LTBP1: variants seen among roughly 807,000 people sequenced by gnomAD.
LTBP1 encodes the protein latent transforming growth factor beta binding protein 1.
LTBP1 carries 129 observed loss-of-function variants against 207.6 expected under a neutral mutation model. The ratio of observed to expected loss-of-function variants is 0.62; its 90% CI spans 0.54 to 0.72. LTBP1 has a LOEUF of 0.72. LTBP1 is among the 30% of genes least tolerant of loss of function. The pLI, the probability that LTBP1 is intolerant of heterozygous loss-of-function variation, is 0.00. For synonymous variants in LTBP1, 963 were observed against 833.7 expected, an observed-to-expected ratio of 1.16 and a Z score of -2.67; for missense variants, 2,281 against 2,217.2, an observed-to-expected ratio of 1.03 and a Z score of -0.58.
chr2:33,300,392 G>A (rs1268660248), intron 20 of LTBP1, 59 bp from the exon 21 acceptor site: 20 of 1,570,328 alleles, frequency 1.3e-5, no homozygotes, highest in Non-Finnish European at 1.7e-5. Flanking sequence ...ATTGCAGGGA[G>A]CACTGCATTC....
chr2:33,163,395 A>G (rs1221610825), intron 5 of LTBP1, among the ~76,000 whole-genome samples: 2 of 152,238 alleles, frequency 1.3e-5, no homozygotes, highest in Non-Finnish European at 1.5e-5. Context: ...AAACGTGGTA[A>G]GACAATTGGA....
chr2:33,251,730 C>G (rs2092692490), intron 10 of LTBP1, among the ~76,000 whole-genome samples: 1 of 150,214 alleles, frequency 6.7e-6, no homozygotes, highest in Non-Finnish European at 1.5e-5. Flanking sequence ...GTCAGAAAAC[C>G]TCATTTGTAT....
chr2:33,330,018 C>T (rs568003181), intron 24 of LTBP1, among the ~76,000 whole-genome samples: 12 of 152,060 alleles, frequency 7.9e-5, no homozygotes, highest in Non-Finnish European at 1.8e-4. Context: ...GAATACAACA[C>T]ACCCCTTTAT....
At chr2:33,298,382 G>C (rs1266942820) in intron 20 of LTBP1, among the ~76,000 whole-genome samples, 1 of 152,162 alleles carries the variant, frequency 6.6e-6, no homozygotes, top group Non-Finnish European at 1.5e-5. Context: ...GATAGTCCTT[G>C]GAATGGAGGG....
intron 5 of LTBP1, among the ~76,000 whole-genome samples, chr2:33,180,629 G>T (rs5006121): frequency 0.52 from 78,223 of 151,134 alleles, 20,414 homozygotes; most frequent in African/African-American, 0.53. Flanking sequence ...TTTTTGGGAT[G>T]TTTTAAAGTA....
intron 5 of LTBP1, among the ~76,000 whole-genome samples, chr2:33,162,751 C>T (rs1052355083): frequency 1.3e-5 from 2 of 152,048 alleles, no homozygotes; most frequent in Non-Finnish European, 2.9e-5. Context: ...ATTATTGTTT[C>T]TTGTTCTTTT....
At chr2:33,072,578 T>C (rs1399416679) in intron 3 of LTBP1, among the ~76,000 whole-genome samples, 1 of 152,140 alleles carries the variant, frequency 6.6e-6, no homozygotes, top group Non-Finnish European at 1.5e-5. Context: ...GTTTTTAGTT[T>C]CTAAGGCCTT....
chr2:33,037,174 T>TA (rs5830251), intron 3 of LTBP1, among the ~76,000 whole-genome samples: 27,636 of 151,908 alleles, frequency 0.18, 2,642 homozygotes, highest in East Asian at 0.31. Flanking sequence ...GTCCCTCTCA[T>TA]AAAAAAAATT....
intron 31 of LTBP1, among the ~76,000 whole-genome samples, chr2:33,379,468 C>G (rs139338848): frequency 0.026 from 3,893 of 152,296 alleles, 62 homozygotes; most frequent in South Asian, 0.05. Context: ...CTCGGCCTCC[C>G]AAAGTGCTGG....
intron 31 of LTBP1, among the ~76,000 whole-genome samples, chr2:33,367,729 T>G (rs780998942): frequency 6.6e-6 from 1 of 152,202 alleles, no homozygotes; most frequent in Non-Finnish European, 1.5e-5. Flanking sequence ...AAAGAAATTT[T>G]CTTACTGAGG....
At chr2:33,077,274 A>G (rs1390085935) in intron 3 of LTBP1, among the ~76,000 whole-genome samples, 1 of 152,176 alleles carries the variant, frequency 6.6e-6, no homozygotes, top group Non-Finnish European at 1.5e-5. Context: ...ACTAAGGGGG[A>G]TACAAAGCTT....
intron 15 of LTBP1, among the ~76,000 whole-genome samples, chr2:33,267,615 GA>G (rs986053585): frequency 2.8e-4 from 43 of 152,006 alleles, no homozygotes; most frequent in African/African-American, 1.0e-3. Flanking sequence ...ATGTTAAAAA[GA>G]AAAAAATGCA....
At chr2:33,015,191 C>G (rs1004890648) in intron 2 of LTBP1, among the ~76,000 whole-genome samples, 2 of 152,184 alleles carry the variant, frequency 1.3e-5, no homozygotes, top group African/African-American at 4.8e-5. Flanking sequence ...GAACCTGTTT[C>G]TATCTGTAAC....
intron 29 of LTBP1, 53 bp from the exon 30 acceptor site, chr2:33,364,163 G>A: frequency 6.3e-7 from 1 of 1,575,340 alleles, no homozygotes; most frequent in Non-Finnish European, 8.7e-7. Flanking sequence ...GGAAGTGTAT[G>A]AGGTACAACT....
intron 3 of LTBP1, among the ~76,000 whole-genome samples, chr2:33,027,162 C>T (rs751131033): frequency 6.4e-4 from 97 of 152,264 alleles, no homozygotes; most frequent in Admixed American, 2.1e-3. Context: ...TTATTCTGCT[C>T]TTGATGGATG....
intron 24 of LTBP1, among the ~76,000 whole-genome samples, chr2:33,332,526 A>G (rs781054188): frequency 4.6e-5 from 7 of 151,722 alleles, no homozygotes; most frequent in Non-Finnish European, 1.0e-4. Flanking sequence ...AATAGTTTTT[A>G]GCATTTAAAA....
intron 19 of LTBP1, among the ~76,000 whole-genome samples, chr2:33,284,451 A>G (rs1025175808): frequency 2.6e-5 from 4 of 152,138 alleles, no homozygotes; most frequent in Non-Finnish European, 4.4e-5. Context: ...ATTCTTCTCT[A>G]GAGAGTCACG....
At chr2:33,109,575 TG>T (rs2080270619) in intron 3 of LTBP1, among the ~76,000 whole-genome samples, 1 of 152,202 alleles carries the variant, frequency 6.6e-6, no homozygotes, top group Admixed American at 6.5e-5. Flanking sequence ...AAACAAGGGT[TG>T]GGCCAGGAGG....
rs1346619868 is a variant in LTBP1, at chr2:33,345,947, G to A, written c.3857-1420G>A. Among the ~76,000 whole-genome samples, 3 of 152,194 alleles carry A rather than the reference G, an allele frequency of 2.0e-5. No individual in the cohort carries two copies. In the East Asian group the frequency reaches 5.8e-4, roughly 29 times the overall value. On this transcript the variant is annotated intron_variant, in intron 25 of 33. Transcript: ENST00000404816. Reference sequence around the variant, plus strand: ...ATTGCAGGAGGAAAGAGGGTAAAAAGCACTATGGGACAACATCAAACATAA... The same window carrying A: ...ATTGCAGGAGGAAAGAGGGTAAAAAACACTATGGGACAACATCAAACATAA...
Sources: allele counts gnomAD v4.1 joint callset (sites outside exome capture counted in the v4.1 genomes callset), GRCh38; gene constraint gnomAD v4.1.1; transcripts MANE v1.5; gene names NCBI Gene and HGNC (gene_info 2026-07-23, HGNC 2026-07-21).